The following MEGF10 variants were observed in gnomAD, a reference collection of about 807,000 sequenced individuals.
MEGF10 encodes the protein multiple epidermal growth factor-like domains protein 10.
In MEGF10, 86 loss-of-function variants were observed where a neutral mutation model predicts 147.5. The observed-to-expected ratio is 0.58, with a 90% CI of 0.49 to 0.70. The LOEUF is 0.70. MEGF10 is among the 30% of genes least tolerant of loss of function. The probability of loss-of-function intolerance (pLI) is 0.00; values close to 1 mark genes in which losing one functional copy is unlikely to be tolerated. For synonymous variants in MEGF10, 478 were observed against 525.5 expected, an observed-to-expected ratio of 0.91 and a Z score of 1.24; for missense variants, 1,329 against 1,487.3, an observed-to-expected ratio of 0.89 and a Z score of 1.75.
chr5:127,318,339 TA>T (rs1760647433), intron 1 of MEGF10, among the ~76,000 whole-genome samples: 2 of 152,272 alleles, frequency 1.3e-5, no homozygotes, highest in South Asian at 4.1e-4. Flanking sequence ...ATCTTTACAG[TA>T]AAAAGTCAAA....
At chr5:127,334,860 A>G (rs1247874611) in intron 2 of MEGF10, among the ~76,000 whole-genome samples, 1 of 152,182 alleles carries the variant, frequency 6.6e-6, no homozygotes, top group East Asian at 1.9e-4. Flanking sequence ...GAGATAAGAA[A>G]TGAAGATTAT....
chr5:127,391,102 G>GCGCACACACACA (rs1426600414), intron 5 of MEGF10, among the ~76,000 whole-genome samples: 29 of 53,924 alleles, frequency 5.4e-4, no homozygotes, highest in African/African-American at 1.1e-3. Flanking sequence ...GCGCGCGCGC[G>GCGCACACACACA]CACACACACA....
At chr5:127,349,541 T>C (rs575582036) in intron 4 of MEGF10, among the ~76,000 whole-genome samples, 276 of 152,304 alleles carry the variant, frequency 1.8e-3, no homozygotes, top group Non-Finnish European at 2.9e-3. Context: ...TTCTACTTTA[T>C]GTTTTTATGA....
At chr5:127,411,495 G>T (rs185872773) in intron 9 of MEGF10, among the ~76,000 whole-genome samples, 1 of 152,200 alleles carries the variant, frequency 6.6e-6, no homozygotes, top group African/African-American at 2.4e-5. Context: ...ACAAAAGCGT[G>T]TGGTTGGTCT....
intron 13 of MEGF10, among the ~76,000 whole-genome samples, chr5:127,433,002 CA>C (rs141434003): frequency 0.063 from 9,540 of 152,066 alleles, 1,026 homozygotes; most frequent in African/African-American, 0.22. Context: ...TCTGTGAAAA[CA>C]AAGAATGGGA....
intron 2 of MEGF10, among the ~76,000 whole-genome samples, chr5:127,331,979 G>A (rs1761279126): frequency 6.6e-6 from 1 of 151,984 alleles, no homozygotes; most frequent in Admixed American, 6.6e-5. Flanking sequence ...CTTGGAAGGG[G>A]AGTCAGTTTG....
the MEGF10 span, among the ~76,000 whole-genome samples, chr5:127,243,529 A>C: frequency 4.6e-5 from 7 of 152,198 alleles, no homozygotes; most frequent in Admixed American, 1.3e-4. Context: ...AGAAACAAAT[A>C]CAAAGTTTCT....
At chr5:127,438,320 G>A in intron 16 of MEGF10, 119 bp from the exon 17 acceptor site, 2 of 1,141,358 alleles carry the variant, frequency 1.8e-6, no homozygotes, top group East Asian at 2.4e-5. Flanking sequence ...TGCTTTCTTA[G>A]TCCTGATGTA....
intron 1 of MEGF10, among the ~76,000 whole-genome samples, chr5:127,311,159 G>A (rs987686641): frequency 2.0e-5 from 3 of 152,114 alleles, no homozygotes; most frequent in East Asian, 1.9e-4. Context: ...CTCCCTGCCA[G>A]TTTCTCATAC....
chr5:127,376,568 A>G (rs1763036203), intron 5 of MEGF10, among the ~76,000 whole-genome samples: 1 of 152,226 alleles, frequency 6.6e-6, no homozygotes, highest in Non-Finnish European at 1.5e-5. Context: ...AGTCTATATC[A>G]GATGACCTTC....
At chr5:127,249,342 A>G in the MEGF10 span, among the ~76,000 whole-genome samples, 2 of 149,386 alleles carry the variant, frequency 1.3e-5, no homozygotes, top group Non-Finnish European at 3.0e-5. Flanking sequence ...ACATACACAC[A>G]GAGAGAGAGA....
chr5:127,459,281 T>C lies in MEGF10; in HGVS notation c.*1963T>C, dbSNP rs1460067751. On this transcript the variant is annotated 3_prime_UTR_variant, in exon 25 of 25. Transcript: ENST00000503335. ...CAGCAGACACACTTAGAACACTCAC[T>C]GCACTGGTGGCTGTTCATTTTGAGG... The C allele has an allele frequency of 1.3e-5, 2 of 152,214 alleles. No homozygotes were observed. Among genetic ancestry groups the C allele is most frequent in the African/African-American group, 4.8e-5 (2 of 41,456 alleles). The allele number at this position is 152,214 out of a possible 1,614,324, so 9.4% of individuals were successfully genotyped here.
At chr5:127,312,455 A>G (rs1422511585) in intron 1 of MEGF10, among the ~76,000 whole-genome samples, 1 of 152,038 alleles carries the variant, frequency 6.6e-6, no homozygotes, top group African/African-American at 2.4e-5. Context: ...AACTGTCTCT[A>G]TTTTTTCATT....
chr5:127,392,444 C>T (rs910470583), intron 5 of MEGF10, among the ~76,000 whole-genome samples: 11 of 152,208 alleles, frequency 7.2e-5, no homozygotes, highest in African/African-American at 2.7e-4. Context: ...GATGCACCAA[C>T]ACTGGTTGGT....
intron 1 of MEGF10, among the ~76,000 whole-genome samples, chr5:127,291,917 C>T (rs1256092516): frequency 2.0e-5 from 3 of 152,244 alleles, no homozygotes; most frequent in Admixed American, 1.3e-4. Context: ...ATCTTATTAG[C>T]CAAAATTAGC....
chr5:127,292,581 T>C (rs1759309230), intron 1 of MEGF10, among the ~76,000 whole-genome samples: 1 of 152,166 alleles, frequency 6.6e-6, no homozygotes, highest in Non-Finnish European at 1.5e-5. Flanking sequence ...TCAGACATGA[T>C]CTTTGTATTG....
chr5:127,292,867 A>T (rs1759322920), intron 1 of MEGF10, among the ~76,000 whole-genome samples: 1 of 148,714 alleles, frequency 6.7e-6, no homozygotes, highest in Non-Finnish European at 1.5e-5. Flanking sequence ...TTTATATTTT[A>T]AAAATGGCTA....
At chr5:127,445,171 G>A (rs1580879548) in intron 19 of MEGF10, 2 of 411,756 alleles carry the variant, frequency 4.9e-6, no homozygotes, top group Middle Eastern at 6.9e-4. Flanking sequence ...GGCTAGATCA[G>A]TTCTCCCGCC....
intron 5 of MEGF10, among the ~76,000 whole-genome samples, chr5:127,379,669 A>G (rs1232523150): frequency 1.5e-5 from 2 of 136,764 alleles, no homozygotes; most frequent in Non-Finnish European, 3.0e-5. Context: ...GCACAATCTC[A>G]GCCCACTGCA....
Sources: allele counts gnomAD v4.1 joint callset (sites outside exome capture counted in the v4.1 genomes callset), GRCh38; gene constraint gnomAD v4.1.1; transcripts MANE v1.5; gene names NCBI Gene and HGNC (gene_info 2026-07-23, HGNC 2026-07-21).